The following WWOX variants were observed in gnomAD, a reference collection of about 807,000 sequenced individuals.
WWOX encodes WW domain-containing oxidoreductase.
Under a neutral mutation model 46.2 loss-of-function variants are expected in WWOX, and 69 were observed. The ratio of observed to expected loss-of-function variants is 1.49; its 90% CI spans 1.23 to 1.82. The LOEUF (loss-of-function observed/expected upper bound fraction) is 1.82. WWOX is among the 40% of genes most tolerant of loss of function. The pLI, the probability that WWOX is intolerant of heterozygous loss-of-function variation, is 0.00. For missense variants in WWOX, 919 were observed against 542.6 expected (o/e 1.69, Z -6.89); for synonymous variants, 359 against 202.6 (o/e 1.77, Z -6.56).
intron 8 of WWOX, among the ~76,000 whole-genome samples, chr16:78,558,613 C>G (rs2044361134): frequency 6.6e-6 from 1 of 152,216 alleles, no homozygotes; most frequent in Admixed American, 6.5e-5. Context: ...TTCTGTTATG[C>G]TCATTCATGA....
At chr16:79,210,831 A>G (rs756161726) in intron 8 of WWOX, among the ~76,000 whole-genome samples, 12 of 152,116 alleles carry the variant, frequency 7.9e-5, no homozygotes, top group African/African-American at 2.7e-4. Context: ...CACAGCCGCA[A>G]CTGTTACTCA....
chr16:79,136,354 C>T (rs965368070), intron 8 of WWOX, among the ~76,000 whole-genome samples: 8 of 152,084 alleles, frequency 5.3e-5, no homozygotes, highest in African/African-American at 1.9e-4. Context: ...CCTCCGCCTC[C>T]CAAGTAGCTG....
At position 78,108,488 on chromosome 16, in the gene WWOX, G is replaced by T; in HGVS notation, c.172+1G>T. On this transcript the variant is annotated splice_donor_variant, in intron 2 of 8. Coordinates refer to ENST00000566780, the MANE Select transcript of WWOX (RefSeq NM_016373.4). LOFTEE classifies it high-confidence loss of function. ...GGAAAAAGAAAACGAGTGGCAGGAGGTTTGTATGTTGTTGTCTAAGGATCT... is the reference window on the plus strand; with the variant it reads ...GGAAAAAGAAAACGAGTGGCAGGAGTTTTGTATGTTGTTGTCTAAGGATCT... 1.2e-6 allele frequency: 2 copies of T among 1,613,848 alleles called. No individual in the cohort carries two copies. The highest frequency in any genetic ancestry group is 1.7e-6 in the Non-Finnish European group (2 of 1,179,858).
At chr16:78,118,745 C>T (rs1311994976) in intron 4 of WWOX, among the ~76,000 whole-genome samples, 9 of 152,160 alleles carry the variant, frequency 5.9e-5, no homozygotes, top group Admixed American at 5.9e-4. Context: ...AAAGTGATAT[C>T]ACCCTAACAT....
intron 8 of WWOX, among the ~76,000 whole-genome samples, chr16:78,851,495 C>G (rs2052441996): frequency 2.6e-5 from 4 of 152,192 alleles, no homozygotes; most frequent in African/African-American, 9.7e-5. Flanking sequence ...TTGGTTGCCT[C>G]AGAAGATAAT....
chr16:78,897,578 A>G (rs1164209842), intron 8 of WWOX: 2 of 152,180 alleles, frequency 1.3e-5, no homozygotes, highest in African/African-American at 4.8e-5. Flanking sequence ...GCACCTGTTG[A>G]TGAGCATTGG....
intron 8 of WWOX, among the ~76,000 whole-genome samples, chr16:79,159,137 A>G (rs1166638008): frequency 2.6e-5 from 4 of 152,234 alleles, no homozygotes; most frequent in Non-Finnish European, 4.4e-5. Context: ...AATATGCCTT[A>G]AAAGTGAATA....
At chr16:78,897,978 G>T (rs1025588986) in intron 8 of WWOX, 2 of 115,072 alleles carry the variant, frequency 1.7e-5, no homozygotes, top group African/African-American at 9.4e-5. Context: ...TGAACTGCTT[G>T]TTTATGTATT....
chr16:78,307,791 C>T (rs1281519278), intron 5 of WWOX, among the ~76,000 whole-genome samples: 1 of 152,124 alleles, frequency 6.6e-6, no homozygotes, highest in Non-Finnish European at 1.5e-5. Context: ...GGAGGTTTTG[C>T]AGATTGCTGC....
At chr16:78,104,682 G>A (rs1273849526) in intron 1 of WWOX, among the ~76,000 whole-genome samples, 1 of 152,114 alleles carries the variant, frequency 6.6e-6, no homozygotes, top group Non-Finnish European at 1.5e-5. Flanking sequence ...GAGAATAGGA[G>A]AATGCTTAGG....
At chr16:78,217,731 C>A (rs1269267174) in intron 5 of WWOX, among the ~76,000 whole-genome samples, 2 of 152,022 alleles carry the variant, frequency 1.3e-5, no homozygotes, top group African/African-American at 4.8e-5. Flanking sequence ...CAGACAGTTT[C>A]TTCACTTACC....
intron 8 of WWOX, among the ~76,000 whole-genome samples, chr16:79,126,270 A>C (rs1201522848): frequency 6.6e-6 from 1 of 152,096 alleles, no homozygotes. Flanking sequence ...AAGGGTAAGC[A>C]CCTAGTCAAC....
intron 5 of WWOX, among the ~76,000 whole-genome samples, chr16:78,334,831 CAT>C (rs61490213): frequency 0.21 from 26,391 of 125,758 alleles, 3,037 homozygotes; most frequent in East Asian, 0.51. Context: ...CACACACACA[CAT>C]ACACACACAC....
intron 8 of WWOX, among the ~76,000 whole-genome samples, chr16:78,754,369 T>A (rs1001457485): frequency 6.6e-6 from 1 of 152,154 alleles, no homozygotes; most frequent in African/African-American, 2.4e-5. Flanking sequence ...CTGTGTCTTA[T>A]TATTGAACTG....
At chr16:78,795,428 C>G (rs776198051) in intron 8 of WWOX, among the ~76,000 whole-genome samples, 1 of 152,130 alleles carries the variant, frequency 6.6e-6, no homozygotes, top group Non-Finnish European at 1.5e-5. Flanking sequence ...ATTGGGAAGG[C>G]TACCCATGGA....
At chr16:78,893,478 G>A (rs142958418) in intron 8 of WWOX, among the ~76,000 whole-genome samples, 4 of 152,234 alleles carry the variant, frequency 2.6e-5, no homozygotes, top group African/African-American at 4.8e-5. Context: ...CTCCAGGCTA[G>A]AACAAGTGCC....
chr16:78,892,836 G>A (rs1004956644), intron 8 of WWOX, among the ~76,000 whole-genome samples: 1 of 152,150 alleles, frequency 6.6e-6, no homozygotes, highest in Non-Finnish European at 1.5e-5. Context: ...GATCCAATTG[G>A]ATTAAGGAAC....
At chr16:78,168,753 T>C (rs1033074315) in intron 5 of WWOX, among the ~76,000 whole-genome samples, 5 of 152,194 alleles carry the variant, frequency 3.3e-5, no homozygotes, top group Non-Finnish European at 7.3e-5. Context: ...AGATATCCTT[T>C]ATAGAGCTCT....
At chr16:78,653,463 T>G (rs2047010731) in intron 8 of WWOX, among the ~76,000 whole-genome samples, 1 of 152,206 alleles carries the variant, frequency 6.6e-6, no homozygotes, top group East Asian at 1.9e-4. Flanking sequence ...AGTGATTGGT[T>G]TAGAAATAGG....
Sources: allele counts gnomAD v4.1 joint callset (sites outside exome capture counted in the v4.1 genomes callset), GRCh38; gene constraint gnomAD v4.1.1; transcripts MANE v1.5; gene names NCBI Gene and HGNC (gene_info 2026-07-23, HGNC 2026-07-21).